The following DLGAP2 variants were observed in gnomAD, a reference collection of about 807,000 sequenced individuals.
DLGAP2 encodes disks large-associated protein 2.
DLGAP2 carries 26 observed loss-of-function variants against 100.3 expected under a neutral mutation model. The ratio of observed to expected loss-of-function variants is 0.26; its 90% CI spans 0.19 to 0.36. DLGAP2 has a LOEUF of 0.36. DLGAP2 is among the 10% of genes least tolerant of loss of function. DLGAP2 has a pLI of 1.00. For missense variants in DLGAP2, 1,858 were observed against 1,453.2 expected (o/e 1.28, Z -4.53); for synonymous variants, 886 against 630.1 (o/e 1.41, Z -6.08).
intron 2 of DLGAP2, among the ~76,000 whole-genome samples, chr8:1,142,432 G>A (rs993104432): frequency 2.0e-5 from 3 of 152,156 alleles, no homozygotes; most frequent in Admixed American, 1.3e-4. Flanking sequence ...TGCAGTGTTC[G>A]CACACAGAGA....
rs552727920 is a variant in DLGAP2 at position 807,968 on chromosome 8, T to C, written c.18+70143T>C. ...TAAGATGTGGTAGCAGTGAGGCCAC[T>C]TTCTAAGCAAGTCATGCTACTAAGC... On this transcript the variant is annotated intron_variant, in intron 1 of 14. Coordinates refer to ENST00000637795, the MANE Select transcript of DLGAP2 (RefSeq NM_001346810.2). Among the ~76,000 whole-genome samples the C allele has an allele frequency of 2.0e-5, 3 of 152,290 alleles. No homozygotes were observed. The South Asian group carries it at 6.2e-4, about 32-fold the overall frequency.
At chr8:814,266 G>T (rs949780631) in intron 1 of DLGAP2, among the ~76,000 whole-genome samples, 1 of 152,172 alleles carries the variant, frequency 6.6e-6, no homozygotes, top group African/African-American at 2.4e-5. Flanking sequence ...GTTGTGTAGT[G>T]CATAAGATCA....
chr8:1,306,574 C>T (rs1368100935), intron 3 of DLGAP2, among the ~76,000 whole-genome samples: 3 of 152,076 alleles, frequency 2.0e-5, no homozygotes, highest in African/African-American at 7.2e-5. Context: ...CAAGGGACCC[C>T]AAATACTCAA....
At chr8:1,584,414 GT>G (rs1192881861) in intron 6 of DLGAP2, among the ~76,000 whole-genome samples, 1 of 152,176 alleles carries the variant, frequency 6.6e-6, no homozygotes, top group Non-Finnish European at 1.5e-5. Flanking sequence ...GCAACCTGCA[GT>G]TCTTCAGTTA....
intron 3 of DLGAP2, among the ~76,000 whole-genome samples, chr8:1,299,300 C>T (rs1236871931): frequency 6.6e-6 from 1 of 152,248 alleles, no homozygotes; most frequent in African/African-American, 2.4e-5. Context: ...CATGGATGGT[C>T]TGTCTGGCCT....
At chr8:1,473,476 A>C (rs1222433230) in intron 3 of DLGAP2, among the ~76,000 whole-genome samples, 3 of 152,160 alleles carry the variant, frequency 2.0e-5, no homozygotes, top group South Asian at 2.1e-4. Flanking sequence ...TTGCAGTTTG[A>C]TTCTACACAT....
At chr8:1,651,862 AC>A (rs1798173055) in intron 8 of DLGAP2, among the ~76,000 whole-genome samples, 1 of 152,016 alleles carries the variant, frequency 6.6e-6, no homozygotes, top group African/African-American at 2.4e-5. Flanking sequence ...GTGTGTGACC[AC>A]CCGAGGCAAG....
intron 2 of DLGAP2, among the ~76,000 whole-genome samples, chr8:973,126 G>A (rs1800060541): frequency 1.3e-5 from 2 of 152,342 alleles, no homozygotes; most frequent in African/African-American, 4.8e-5. Flanking sequence ...TCAATGAGCT[G>A]TTGGGTACAC....
intron 6 of DLGAP2, among the ~76,000 whole-genome samples, chr8:1,589,098 C>T (rs1042802334): frequency 1.3e-5 from 2 of 152,154 alleles, no homozygotes; most frequent in African/African-American, 4.8e-5. Flanking sequence ...GCACAGTAAT[C>T]CCAATGGTGG....
chr8:965,211 G>A (rs1251849962), intron 2 of DLGAP2, among the ~76,000 whole-genome samples: 1 of 137,762 alleles, frequency 7.3e-6, no homozygotes, highest in Non-Finnish European at 1.5e-5. Flanking sequence ...GGGCTCCTGA[G>A]TCTGACCCCG....
At chr8:1,173,738 C>T (rs1164983464) in intron 2 of DLGAP2, among the ~76,000 whole-genome samples, 1 of 152,192 alleles carries the variant, frequency 6.6e-6, no homozygotes, top group Non-Finnish European at 1.5e-5. Context: ...TCGGAAAAAG[C>T]ACAGTATTCG....
At chr8:1,573,493 G>C (rs536534646) in intron 6 of DLGAP2, among the ~76,000 whole-genome samples, 1 of 152,178 alleles carries the variant, frequency 6.6e-6, no homozygotes, top group African/African-American at 2.4e-5. Context: ...AAGAGTGTCT[G>C]AGAGAAAAGT....
At chr8:954,540 T>C (rs2129008518) in intron 2 of DLGAP2, among the ~76,000 whole-genome samples, 1 of 152,266 alleles carries the variant, frequency 6.6e-6, no homozygotes, top group African/African-American at 2.4e-5. Flanking sequence ...CAGTGGAAAA[T>C]GAACTGCAGC....
chr8:1,356,410 T>C lies in DLGAP2; in HGVS notation c.106+97527T>C, dbSNP rs560733524. On this transcript the variant is annotated intron_variant, in intron 3 of 14. Transcript: ENST00000637795. ...GATGCCAACCAGAAAAATAAAACCATGTGAAACCACAAGCGCTTTCAGGGG... is the reference window on the plus strand; with the variant it reads ...GATGCCAACCAGAAAAATAAAACCACGTGAAACCACAAGCGCTTTCAGGGG... 2.0e-5 allele frequency among the ~76,000 whole-genome samples: 3 copies of C among 152,272 alleles called. No individual in the cohort carries two copies. In the South Asian group the frequency reaches 6.2e-4, roughly 32 times the overall value.
intron 2 of DLGAP2, among the ~76,000 whole-genome samples, chr8:1,000,798 A>T (rs553437206): frequency 1.3e-5 from 2 of 151,904 alleles, no homozygotes; most frequent in East Asian, 3.9e-4. Flanking sequence ...GCTCCTCAAG[A>T]CTCCAAGCAG....
intron 8 of DLGAP2, among the ~76,000 whole-genome samples, chr8:1,660,505 C>A (rs1032723541): frequency 1.3e-5 from 2 of 152,138 alleles, no homozygotes; most frequent in African/African-American, 4.8e-5. Context: ...CACACAGATC[C>A]CCCTTGACCT....
chr8:877,058 G>C (rs958007366), intron 1 of DLGAP2, among the ~76,000 whole-genome samples: 3 of 147,832 alleles, frequency 2.0e-5, no homozygotes, highest in Non-Finnish European at 4.5e-5. Flanking sequence ...TTCAGTCATA[G>C]TCTCCTTTGG....
chr8:1,009,614 G>T (rs1801218169), intron 2 of DLGAP2, among the ~76,000 whole-genome samples: 1 of 152,206 alleles, frequency 6.6e-6, no homozygotes, highest in Non-Finnish European at 1.5e-5. Flanking sequence ...TCTTGTTTCA[G>T]TTGGAAGCAG....
chr8:875,531 A>G (rs1239407799), intron 1 of DLGAP2, among the ~76,000 whole-genome samples: 1 of 152,122 alleles, frequency 6.6e-6, no homozygotes, highest in Admixed American at 6.5e-5. Flanking sequence ...CCATGTGAAG[A>G]AGGATGTGTT....
Sources: gnomAD v4.1 joint callset for allele counts (sites outside exome capture counted in the v4.1 genomes callset) on GRCh38, gnomAD v4.1.1 for gene constraint, MANE v1.5 for transcripts, NCBI Gene and HGNC (gene_info 2026-07-23, HGNC 2026-07-21) for gene names.